The following AKR1C2 variants were observed in gnomAD, a reference collection of about 807,000 sequenced individuals.
AKR1C2 encodes aldo-keto reductase family 1 member C2.
A neutral mutation model predicts 39.8 loss-of-function variants in AKR1C2; 27 were observed. The ratio of observed to expected loss-of-function variants is 0.68; its 90% CI spans 0.50 to 0.93. The LOEUF is 0.93. AKR1C2 is among the 40% of genes least tolerant of loss of function. The pLI is 0.00. For missense variants in AKR1C2, 263 were observed against 365.1 expected (o/e 0.72, Z 2.28); for synonymous variants, 114 against 137.9 (o/e 0.83, Z 1.22).
At chr10:4,990,872 A>G (rs1397129167) in intron 8 of AKR1C2, among the ~76,000 whole-genome samples, 1 of 151,172 alleles carries the variant, frequency 6.6e-6, no homozygotes, top group Non-Finnish European at 1.5e-5. Flanking sequence ...TCTTATTATC[A>G]TTTCCATTTT....
chr10:4,996,998 A>AT (rs1837075144), intron 5 of AKR1C2, among the ~76,000 whole-genome samples: 1 of 152,138 alleles, frequency 6.6e-6, no homozygotes, highest in South Asian at 2.1e-4. Flanking sequence ...TCTGTTGAGA[A>AT]TTATCCCCCA....
intron 7 of AKR1C2, among the ~76,000 whole-genome samples, chr10:4,992,863 C>G (rs1190298117): frequency 6.6e-6 from 1 of 152,082 alleles, no homozygotes; most frequent in Non-Finnish European, 1.5e-5. Context: ...GGCAGGAGAA[C>G]TGCTTGAACC....
rs1415192739 is a variant in AKR1C2 at position 4,990,973 on chromosome 10, T to C, written c.929+858A>G. Among the ~76,000 whole-genome samples the C allele has an allele frequency of 2.6e-5, 4 of 151,386 alleles. 1 individual carries two copies. Among genetic ancestry groups the C allele is most frequent in the African/African-American group, 9.8e-5 (4 of 40,640 alleles). On this transcript the variant is annotated intron_variant, in intron 8 of 8. Coordinates refer to ENST00000380753, the MANE Select transcript of AKR1C2 (RefSeq NM_001393392.1). ...ATGATGTACCATTGTGCTTGTTTTT[T>C]TCACACATTATCTCATCATCTCTAT...
At chr10:4,991,113 T>A (rs1836825382) in intron 8 of AKR1C2, among the ~76,000 whole-genome samples, 1 of 151,240 alleles carries the variant, frequency 6.6e-6, no homozygotes, top group South Asian at 2.1e-4. Context: ...AAACGTCTGT[T>A]ACTGGTTATA....
At chr10:5,000,427 G>A (rs565897368) in intron 3 of AKR1C2, 123 bp downstream of exon 3, 2 of 1,588,808 alleles carry the variant, frequency 1.3e-6, no homozygotes, top group South Asian at 1.1e-5. Context: ...TTATGTTTAG[G>A]GCTCTTCTTC....
Position 4,989,950 on chromosome 10 carries a change from T to C in AKR1C2, c.*46A>G. The stretch of plus-strand genomic sequence containing the variant: ...CATAGAGCCATCCTCTGTGTCACCA[T>C]CCACACGCAGGGCCTTCTGGCAGAC... On this transcript the variant is annotated 3_prime_UTR_variant, in exon 9 of 9. Coordinates refer to ENST00000380753, the MANE Select transcript of AKR1C2 (RefSeq NM_001393392.1). 6.7e-7 allele frequency: 1 copy of C among 1,495,270 alleles called. No individual in the cohort carries two copies. Among genetic ancestry groups the C allele is most frequent in the Non-Finnish European group, 9.3e-7 (1 of 1,077,380 alleles). 92.6% of individuals were successfully genotyped at this position (1,495,270 alleles called of 1,614,324 possible).
rs1362577280 is a variant in AKR1C2 at position 4,999,405 on chromosome 10, T to C, written c.370-128A>G. On this transcript the variant is annotated intron_variant, in intron 3 of 8. Coordinates refer to ENST00000380753, the MANE Select transcript of AKR1C2 (RefSeq NM_001393392.1). Reference sequence around the variant, plus strand: ...TGATGCAGCGCTCCAGAGAGTGGTATGTACAAAGTGTACTACATATGAAGG... The same window carrying C: ...TGATGCAGCGCTCCAGAGAGTGGTACGTACAAAGTGTACTACATATGAAGG... 11 of 1,594,106 alleles carry C rather than the reference T, an allele frequency of 6.9e-6. No individual in the cohort carries two copies. In the Admixed American group the frequency reaches 1.4e-4, roughly 20 times the overall value.
exon 1 of AKR1C2, chr10:5,017,901 A>G (rs1554775469): frequency 1.3e-5 from 2 of 152,648 alleles, no homozygotes; most frequent in East Asian, 1.9e-4. Flanking sequence ...GAAACTTACC[A>G]TCATGAAGGA....
intron 1 of AKR1C2, among the ~76,000 whole-genome samples, chr10:5,016,339 A>G (rs1264527726): frequency 1.2e-4 from 18 of 152,212 alleles, no homozygotes; most frequent in Non-Finnish European, 1.0e-4. Context: ...TTCTAGATAC[A>G]ATGGAAATGG....
chr10:5,006,338 A>G (rs1837401441), upstream of AKR1C2: 1 of 152,226 alleles, frequency 6.6e-6, no homozygotes, highest in Non-Finnish European at 1.5e-5. Context: ...CAAAGAGATA[A>G]TCTTTAAATA....
At chr10:4,992,816 A>G (rs1836886445) in intron 7 of AKR1C2, among the ~76,000 whole-genome samples, 1 of 152,074 alleles carries the variant, frequency 6.6e-6, no homozygotes, top group Non-Finnish European at 1.5e-5. Context: ...TGGGCATGGC[A>G]GCATGCGCCA....
chr10:5,005,395 C>G (rs1473064673), upstream of AKR1C2, among the ~76,000 whole-genome samples: 1 of 152,076 alleles, frequency 6.6e-6, no homozygotes. Context: ...AATAACAAGG[C>G]ATACAGGCCA....
In AKR1C2 at chr10:5,011,905, C is replaced by A. The variant is rs1363995105; in HGVS notation, c.-88+5995G>T. ...GTTCATAGAGCAGTTATAAGTACTTCTTTGTCTGTATAAGTTATAACATGG... is the reference window on the plus strand; with the variant it reads ...GTTCATAGAGCAGTTATAAGTACTTATTTGTCTGTATAAGTTATAACATGG... On this transcript the variant is annotated intron_variant, in intron 1 of 6. Transcript: ENST00000604507. 2.0e-5 allele frequency among the ~76,000 whole-genome samples: 3 copies of A among 152,252 alleles called. No individual in the cohort carries two copies. The East Asian group carries it at 5.8e-4, about 29-fold the overall frequency.
chr10:5,001,051 C>CA (rs1380398168), intron 2 of AKR1C2, among the ~76,000 whole-genome samples: 3 of 152,146 alleles, frequency 2.0e-5, no homozygotes, highest in Non-Finnish European at 2.9e-5. Context: ...GAGGCAAACA[C>CA]AGTTTTTAAT....
At chr10:5,005,373 C>T (rs1837379168), upstream of AKR1C2, among the ~76,000 whole-genome samples, 1 of 152,032 alleles carries the variant, frequency 6.6e-6, no homozygotes, top group Non-Finnish European at 1.5e-5. Context: ...TTTCAAATGC[C>T]CAGTTAAATA....
chr10:5,001,896 G>C (rs374781303), intron 1 of AKR1C2, among the ~76,000 whole-genome samples: 34 of 152,180 alleles, frequency 2.2e-4, no homozygotes, highest in African/African-American at 7.5e-4. Flanking sequence ...AAAAATCACT[G>C]CTTGACCACT....
chr10:4,989,863 G>A lies in AKR1C2; in HGVS notation c.*133C>T. ...TCTTTTCCGGCCGATGGGCTTAGCT[G>A]TAGCTTACTGAAGTCGCCAAGCAGG... is the stretch of plus-strand genomic sequence containing the variant. On this transcript the variant is annotated 3_prime_UTR_variant, in exon 9 of 9. Coordinates refer to ENST00000380753, the MANE Select transcript of AKR1C2 (RefSeq NM_001393392.1). 1 of 1,342,780 alleles carries A rather than the reference G, an allele frequency of 7.4e-7. No homozygotes were observed. Among genetic ancestry groups the A allele is most frequent in the Non-Finnish European group, 1.0e-6 (1 of 969,266 alleles). 83.2% of individuals were successfully genotyped at this position (1,342,780 alleles called of 1,614,324 possible).
At chr10:4,999,338 C>T in intron 3 of AKR1C2, 61 bp from the exon 4 acceptor site, 2 of 1,582,772 alleles carry the variant, frequency 1.3e-6, no homozygotes, top group Non-Finnish European at 1.7e-6. Context: ...CATAGCCATG[C>T]TCTGAGGTAC....
intron 8 of AKR1C2, 70 bp from the exon 9 acceptor site, chr10:4,990,108 T>C: frequency 6.3e-7 from 1 of 1,594,276 alleles, no homozygotes; most frequent in Non-Finnish European, 8.6e-7. Context: ...GCGCAGTGAT[T>C]TCTAGGAAGC....
Sources: gnomAD v4.1 joint callset for allele counts (sites outside exome capture counted in the v4.1 genomes callset) on GRCh38, gnomAD v4.1.1 for gene constraint, MANE v1.5 for transcripts, NCBI Gene and HGNC (gene_info 2026-07-23, HGNC 2026-07-21) for gene names.